Variants in FLI1 observed in about 807,000 individuals in gnomAD.
FLI1 encodes the protein Friend leukemia integration 1 transcription factor.
FLI1 carries 13 observed loss-of-function variants against 53.1 expected under a neutral mutation model. The ratio of observed to expected loss-of-function variants is 0.24; its 90% confidence interval spans 0.16 to 0.39. FLI1 has a LOEUF of 0.39. Among genes scored for constraint, FLI1 ranks in the 10% least tolerant of loss-of-function variants. The pLI is 1.00. For synonymous variants in FLI1, 244 were observed against 236.7 expected, an observed-to-expected ratio of 1.03 and a Z score of -0.28; for missense variants, 424 against 600.5, an observed-to-expected ratio of 0.71 and a Z score of 3.07.
rs545626887 is a variant in FLI1, at chr11:128,747,394, G to A, written c.19-10721G>A. On this transcript the variant is annotated intron_variant, in intron 1 of 8. Transcript: ENST00000527786. The stretch of plus-strand genomic sequence containing the variant: ...GCACTTGTGCTGGTGCATCCAGGTG[G>A]CCTTCCCAGAAGCAGCCCTCCCTGC... Among the ~76,000 whole-genome samples, 687 of 152,322 alleles carry A rather than the reference G, an allele frequency of 4.5e-3. 14 individuals carry two copies. The highest frequency in any genetic ancestry group is 0.016 in the African/African-American group (655 of 41,572).
intron 1 of FLI1, among the ~76,000 whole-genome samples, chr11:128,731,478 C>CT (rs1939695566): frequency 5.6e-5 from 3 of 53,114 alleles, no homozygotes; most frequent in Admixed American, 2.2e-4. Context: ...ATTGAGCAGC[C>CT]CTTTTTTTTT....
intron 1 of FLI1, among the ~76,000 whole-genome samples, chr11:128,751,922 A>C (rs79869108): frequency 0.11 from 16,152 of 150,434 alleles, 1,524 homozygotes; most frequent in East Asian, 0.28. Flanking sequence ...TTCAGCCTCC[A>C]AAAGTGCTGG....
chr11:128,696,745 A>G (rs1343053978), intron 1 of FLI1, among the ~76,000 whole-genome samples: 1 of 152,196 alleles, frequency 6.6e-6, no homozygotes, highest in Non-Finnish European at 1.5e-5. Flanking sequence ...TGGAAAAATC[A>G]GGTTTGAGTG....
At chr11:128,774,074 T>C (rs1337382109) in intron 4 of FLI1, among the ~76,000 whole-genome samples, 1 of 152,150 alleles carries the variant, frequency 6.6e-6, no homozygotes. Context: ...TCTGGGTTGG[T>C]GAGCTCTGTT....
At chr11:128,803,554 AC>A (rs1279793239) in intron 5 of FLI1, among the ~76,000 whole-genome samples, 3 of 152,070 alleles carry the variant, frequency 2.0e-5, no homozygotes, top group African/African-American at 7.3e-5. Flanking sequence ...ACCTCCAGGA[AC>A]CCTTTATGTG....
At chr11:128,777,922 C>T (rs1199263781) in intron 4 of FLI1, among the ~76,000 whole-genome samples, 1 of 152,218 alleles carries the variant, frequency 6.6e-6, no homozygotes, top group Non-Finnish European at 1.5e-5. Context: ...TGTTGGGGTT[C>T]TACCCCACAC....
At chr11:128,699,263 T>C (rs910516179) in intron 1 of FLI1, among the ~76,000 whole-genome samples, 6 of 152,222 alleles carry the variant, frequency 3.9e-5, no homozygotes, top group Admixed American at 6.5e-5. Flanking sequence ...AAACCAAGCC[T>C]CTTTCTAGGT....
In FLI1 at chr11:128,810,762, T is replaced by A; in HGVS notation, c.1133T>A (p.Met378Lys). ...CAGCCACATCCGACCGAGTCGTCCATGTACAAGTACCCTTCTGACATCTCC... is the reference window on the plus strand; with the variant it reads ...CAGCCACATCCGACCGAGTCGTCCAAGTACAAGTACCCTTCTGACATCTCC... Reference protein sequence around the residue: ...ALQPHPTESSMYKYPSDISYM... With the variant: ...ALQPHPTESSKYKYPSDISYM... Residue 378 changes from methionine (M) to lysine (K), a missense_variant, in exon 9 of 9, where the codon ATG becomes AAG. By Grantham distance (95) the Met-to-Lys change is moderately conservative (BLOSUM62 -1). This residue lies in a region of FLI1 where 87 missense variants were observed against 100.0 expected (regional missense o/e 0.87). Transcript: ENST00000527786. The surrounding 1 kb of genome is among the most constrained non-coding windows in gnomAD (Gnocchi z 6.6). The A allele has an allele frequency of 6.2e-7, 1 of 1,614,104 alleles. No homozygotes were observed. The highest frequency in any genetic ancestry group is 8.5e-7 in the Non-Finnish European group (1 of 1,179,912).
intron 5 of FLI1, among the ~76,000 whole-genome samples, chr11:128,799,770 G>T (rs1159866733): frequency 6.6e-6 from 1 of 152,166 alleles, no homozygotes; most frequent in Non-Finnish European, 1.5e-5. Flanking sequence ...GAAGGTTCGG[G>T]CAGTGCAGCA....
rs199806061 is a variant in FLI1, at chr11:128,788,691, CA to C, written c.655+6669del. Reference sequence around the variant, plus strand: ...AGGCCAGAGAAGGTGTGGACCCAGCCATGGTCACACAGGGAGTGAAGACAAA... The same window carrying C: ...AGGCCAGAGAAGGTGTGGACCCAGCCTGGTCACACAGGGAGTGAAGACAAA... On this transcript the variant is annotated intron_variant, in intron 5 of 8. Coordinates refer to ENST00000527786, the MANE Select transcript of FLI1 (RefSeq NM_002017.5). 3.5e-4 allele frequency among the ~76,000 whole-genome samples: 54 copies of C among 152,288 alleles called. 2 individuals carry two copies. The East Asian group carries it at 0.01, about 29-fold the overall frequency.
At chr11:128,747,532 G>A (rs1041155837) in intron 1 of FLI1, among the ~76,000 whole-genome samples, 2 of 152,218 alleles carry the variant, frequency 1.3e-5, no homozygotes, top group African/African-American at 4.8e-5. Context: ...ATCCGGCTAG[G>A]TGGGAGAATA....
intron 1 of FLI1, 92 bp downstream of exon 1, chr11:128,694,368 C>A: frequency 2.0e-6 from 2 of 1,019,618 alleles, no homozygotes; most frequent in Non-Finnish European, 2.6e-6. Context: ...TCCCGGAAGA[C>A]GTGGCCTCTC....
intron 7 of FLI1, among the ~76,000 whole-genome samples, chr11:128,807,833 C>T (rs1326428118): frequency 6.6e-6 from 1 of 152,136 alleles, no homozygotes; most frequent in Non-Finnish European, 1.5e-5. Flanking sequence ...AAGTCTGCCT[C>T]CTGGAATTTC....
At chr11:128,712,021 T>G (rs1938800802) in intron 1 of FLI1, among the ~76,000 whole-genome samples, 1 of 152,170 alleles carries the variant, frequency 6.6e-6, no homozygotes. Flanking sequence ...TTCAACACAG[T>G]TTGGTCGTTT....
chr11:128,748,082 C>T (rs1314391889), intron 1 of FLI1, among the ~76,000 whole-genome samples: 1 of 152,224 alleles, frequency 6.6e-6, no homozygotes, highest in Non-Finnish European at 1.5e-5. Context: ...CCGTGAGGCA[C>T]AGAAGGCCAT....
At chr11:128,795,966 C>T (rs1406303494) in intron 5 of FLI1, among the ~76,000 whole-genome samples, 1 of 152,188 alleles carries the variant, frequency 6.6e-6, no homozygotes, top group Non-Finnish European at 1.5e-5. Context: ...ACCACTCTCT[C>T]CCGCCCCTGC....
At chr11:128,785,023 A>G (rs965827257) in intron 5 of FLI1, among the ~76,000 whole-genome samples, 1 of 152,210 alleles carries the variant, frequency 6.6e-6, no homozygotes, top group Admixed American at 6.5e-5. Context: ...AAATTGTATA[A>G]TCACCCTTCC....
At chr11:128,809,355 G>A (rs545069268) in intron 8 of FLI1, among the ~76,000 whole-genome samples, 151 bp downstream of exon 8, 9 of 152,344 alleles carry the variant, frequency 5.9e-5, no homozygotes, top group African/African-American at 1.9e-4. Flanking sequence ...TCTGGAGCAT[G>A]TGAACAACAG....
chr11:128,727,533 T>C (rs1006965090), intron 1 of FLI1, among the ~76,000 whole-genome samples: 18 of 151,910 alleles, frequency 1.2e-4, no homozygotes, highest in African/African-American at 3.9e-4. Context: ...AGGTCTAGAG[T>C]AGTGGTTGCG....
Sources: allele counts gnomAD v4.1 joint callset (sites outside exome capture counted in the v4.1 genomes callset), GRCh38; gene constraint gnomAD v4.1.1; regional missense constraint gnomAD v4.1.1; non-coding constraint Gnocchi (gnomAD v3.1); transcripts MANE v1.5; gene names NCBI Gene and HGNC (gene_info 2026-07-23, HGNC 2026-07-21).